CAMTA1: variants seen among roughly 807,000 people sequenced by gnomAD.
CAMTA1 encodes calmodulin-binding transcription activator 1.
In CAMTA1, 27 loss-of-function variants were observed where a neutral mutation model predicts 170.9. The observed-to-expected ratio is 0.16, with a 90% CI of 0.12 to 0.22. CAMTA1 has a LOEUF of 0.22. Among genes scored for constraint, CAMTA1 ranks in the 10% least tolerant of loss-of-function variants. CAMTA1 has a pLI of 1.00. For synonymous variants in CAMTA1, 833 were observed against 891.5 expected, an observed-to-expected ratio of 0.93 and a Z score of 1.17; for missense variants, 1,619 against 2,217.2, an observed-to-expected ratio of 0.73 and a Z score of 5.42.
chr1:6,806,805 G>A (rs1185827148), intron 1 of CAMTA1, among the ~76,000 whole-genome samples: 1 of 152,166 alleles, frequency 6.6e-6, no homozygotes, highest in East Asian at 1.9e-4. Flanking sequence ...CAAAGAGTTA[G>A]GACATGTTAC....
chr1:7,178,707 G>A (rs950328046), intron 4 of CAMTA1, among the ~76,000 whole-genome samples: 9 of 152,168 alleles, frequency 5.9e-5, no homozygotes, highest in Non-Finnish European at 1.2e-4. Context: ...GAGGGAGAAG[G>A]GCACTTGCGG....
intron 4 of CAMTA1, among the ~76,000 whole-genome samples, chr1:7,245,148 C>T (rs1346434693): frequency 6.7e-6 from 1 of 150,360 alleles, no homozygotes; most frequent in Non-Finnish European, 1.5e-5. Flanking sequence ...TCTATCTAGT[C>T]AATAGTTTAT....
intron 6 of CAMTA1, among the ~76,000 whole-genome samples, chr1:7,512,211 G>A (rs1182985153): frequency 6.6e-6 from 1 of 152,228 alleles, no homozygotes; most frequent in East Asian, 1.9e-4. Context: ...ATATGCCAAA[G>A]ATAAAGCAGA....
intron 3 of CAMTA1, among the ~76,000 whole-genome samples, chr1:7,069,281 G>T (rs988749780): frequency 5.3e-5 from 8 of 152,192 alleles, no homozygotes; most frequent in Non-Finnish European, 1.2e-4. Flanking sequence ...CCCTCCCAGA[G>T]ACCCTCCAAG....
chr1:7,638,786 A>C (rs1027089373), intron 6 of CAMTA1, among the ~76,000 whole-genome samples: 2 of 152,190 alleles, frequency 1.3e-5, no homozygotes, highest in African/African-American at 4.8e-5. Context: ...TGGCCAGATA[A>C]GCAGCGCTGC....
chr1:7,467,962 G>T, intron 6 of CAMTA1, 61 bp downstream of exon 6: 24 of 1,400,986 alleles, frequency 1.7e-5, no homozygotes, highest in Non-Finnish European at 2.4e-5. Context: ...TCTGTGGAGG[G>T]CACTGAGGGC....
chr1:7,459,594 A>C (rs2093035923), intron 5 of CAMTA1, among the ~76,000 whole-genome samples: 1 of 152,160 alleles, frequency 6.6e-6, no homozygotes, highest in South Asian at 2.1e-4. Context: ...CTGCCCTTGG[A>C]CATCAGCGTA....
chr1:7,005,754 C>A (rs548567511), intron 3 of CAMTA1, among the ~76,000 whole-genome samples: 1 of 152,334 alleles, frequency 6.6e-6, no homozygotes, highest in Admixed American at 6.5e-5. Flanking sequence ...GGACCCCAGT[C>A]CAGAAGGACA....
At chr1:7,514,317 A>G (rs2094248472) in intron 6 of CAMTA1, among the ~76,000 whole-genome samples, 1 of 152,214 alleles carries the variant, frequency 6.6e-6, no homozygotes, top group South Asian at 2.1e-4. Context: ...TTGCCCAAAC[A>G]CAGGGCAGAC....
intron 11 of CAMTA1, among the ~76,000 whole-genome samples, chr1:7,719,948 T>C (rs905913168): frequency 3.9e-5 from 6 of 152,244 alleles, no homozygotes; most frequent in African/African-American, 1.4e-4. Context: ...GGAGAGCACA[T>C]GTGCACTTGA....
intron 4 of CAMTA1, among the ~76,000 whole-genome samples, chr1:7,130,069 T>A (rs1645159295): frequency 6.6e-6 from 1 of 152,094 alleles, no homozygotes; most frequent in African/African-American, 2.4e-5. Flanking sequence ...CCCAAGTAGC[T>A]GGGACTACAG....
chr1:7,437,254 C>T (rs1310423884), intron 5 of CAMTA1, among the ~76,000 whole-genome samples: 1 of 152,162 alleles, frequency 6.6e-6, no homozygotes, highest in East Asian at 1.9e-4. Context: ...CCTAAGGGGA[C>T]AGATGAGCCT....
intron 3 of CAMTA1, among the ~76,000 whole-genome samples, chr1:6,984,963 G>A (rs867392560): frequency 3.9e-5 from 6 of 152,178 alleles, no homozygotes; most frequent in African/African-American, 7.2e-5. Context: ...GAAAGGGGTC[G>A]TTGTATCTGC....
chr1:7,756,451 T>C (rs1360264215), intron 22 of CAMTA1, among the ~76,000 whole-genome samples: 2 of 152,302 alleles, frequency 1.3e-5, no homozygotes, highest in Non-Finnish European at 2.9e-5. Flanking sequence ...TTTTAGAATA[T>C]GATGCTAGTT....
At chr1:7,721,507 G>A (rs1456615525) in intron 11 of CAMTA1, among the ~76,000 whole-genome samples, 1 of 152,148 alleles carries the variant, frequency 6.6e-6, no homozygotes, top group Non-Finnish European at 1.5e-5. Context: ...GAGTTAAGAA[G>A]TTCACCAGGT....
At chr1:6,950,545 T>C (rs1249111807) in intron 3 of CAMTA1, among the ~76,000 whole-genome samples, 2 of 152,144 alleles carry the variant, frequency 1.3e-5, no homozygotes, top group East Asian at 3.9e-4. Context: ...TGCCACATGC[T>C]CACTGCAGGT....
At chr1:6,926,794 G>A (rs1302708148) in intron 3 of CAMTA1, among the ~76,000 whole-genome samples, 1 of 149,112 alleles carries the variant, frequency 6.7e-6, no homozygotes, top group Non-Finnish European at 1.5e-5. Flanking sequence ...GCATTGGCTC[G>A]ATTGCAGCTC....
chr1:6,973,371 G>A (rs1472758347), intron 3 of CAMTA1, among the ~76,000 whole-genome samples: 1 of 152,186 alleles, frequency 6.6e-6, no homozygotes, highest in African/African-American at 2.4e-5. Context: ...GGAGAATCAT[G>A]CAGCATTTGT....
At chr1:6,955,555 C>G (rs1229801440) in intron 3 of CAMTA1, among the ~76,000 whole-genome samples, 1 of 152,156 alleles carries the variant, frequency 6.6e-6, no homozygotes, top group African/African-American at 2.4e-5. Flanking sequence ...AAGAAAGCCT[C>G]AAAGCTTAGG....
Sources: allele counts gnomAD v4.1 joint callset (sites outside exome capture counted in the v4.1 genomes callset), GRCh38; gene constraint gnomAD v4.1.1; transcripts MANE v1.5; gene names NCBI Gene and HGNC (gene_info 2026-07-23, HGNC 2026-07-21).